PES1: variants seen among roughly 807,000 people sequenced by gnomAD.
PES1 encodes the protein pescadillo homolog.
A neutral mutation model predicts 77.1 loss-of-function variants in PES1; 31 were observed. The ratio of observed to expected loss-of-function variants is 0.40; its 90% confidence interval spans 0.30 to 0.54. The LOEUF is 0.54. Among genes scored for constraint, PES1 ranks in the 20% least tolerant of loss-of-function variants. PES1 has a pLI of 0.45. For missense variants in PES1, 658 were observed against 771.7 expected (o/e 0.85, Z 1.75); for synonymous variants, 282 against 303.0 (o/e 0.93, Z 0.72).
chr22:30,592,548 G>C (rs2087199466), upstream of PES1: 1 of 447,446 alleles, frequency 2.2e-6, no homozygotes. Flanking sequence ...TGTAATCCCA[G>C]CACTTTGGGA....
intron 2 of PES1, chr22:30,601,968 T>C (rs963049301): frequency 3.3e-5 from 5 of 152,026 alleles, no homozygotes; most frequent in African/African-American, 1.2e-4. Flanking sequence ...AGACGGAGTT[T>C]CACCATGTTG....
At chr22:30,603,530 T>C (rs1371897105) in intron 2 of PES1, among the ~76,000 whole-genome samples, 1 of 151,786 alleles carries the variant, frequency 6.6e-6, no homozygotes, top group Non-Finnish European at 1.5e-5. Context: ...CACAGGCACA[T>C]GCCACCATGC....
chr22:30,581,566 G>A lies in PES1; in HGVS notation c.709C>T (p.Arg237Cys), dbSNP rs753455922. The A allele has an allele frequency of 2.4e-5, 39 of 1,613,722 alleles. No individual in the cohort carries two copies. The highest frequency in any genetic ancestry group is 1.3e-4 in the East Asian group (6 of 44,880). Residue 237 changes from arginine (R) to cysteine (C), a missense_variant, in exon 7 of 15, where the codon CGC becomes TGC. Arg to Cys is a radical substitution (Grantham distance 180, BLOSUM62 -3). Transcript: ENST00000354694. ...TGGAGGTTGAGCAACTGGTAAAGGC[G>A]GAAGTTGACAAAGCCCAGCAGCGTG... ...YTTLLGFVNFRLYQLLNLHYP... is the reference protein window; with the variant it reads ...YTTLLGFVNFCLYQLLNLHYP...
In PES1 at chr22:30,576,856, G is replaced by A; in HGVS notation, c.*190C>T. On this transcript the variant is annotated 3_prime_UTR_variant, in exon 15 of 15. Transcript: ENST00000354694. ...AGGCCTCTTCTCTGACCAGGCACCAGCAGGGCAGCTCCATCCAAGGGAAGC... is the reference window on the plus strand; with the variant it reads ...AGGCCTCTTCTCTGACCAGGCACCAACAGGGCAGCTCCATCCAAGGGAAGC... 1.7e-6 allele frequency: 1 copy of A among 598,988 alleles called. No homozygotes were observed. The highest frequency in any genetic ancestry group is 3.0e-6 in the Non-Finnish European group (1 of 335,616). The allele number at this position is 598,988 out of a possible 1,614,324, so 37.1% of individuals were successfully genotyped here.
upstream of PES1, among the ~76,000 whole-genome samples, chr22:30,595,894 G>A (rs2087246151): frequency 6.6e-6 from 1 of 152,162 alleles, no homozygotes; most frequent in South Asian, 2.1e-4. Context: ...AGGGTCACCT[G>A]GGTAAGGGAA....
At chr22:30,595,275 C>G (rs1240705297), upstream of PES1, among the ~76,000 whole-genome samples, 1 of 152,096 alleles carries the variant, frequency 6.6e-6, no homozygotes, top group Non-Finnish European at 1.5e-5. Context: ...CGCGACAGCT[C>G]ATGCCTATAA....
intron 2 of PES1, among the ~76,000 whole-genome samples, chr22:30,602,827 A>G: frequency 6.6e-6 from 1 of 152,234 alleles, no homozygotes; most frequent in Non-Finnish European, 1.5e-5. Flanking sequence ...GCATATAGAC[A>G]TCCAATTGTT....
At chr22:30,591,563 G>T (rs1164478033) in intron 1 of PES1, among the ~76,000 whole-genome samples, 1 of 152,170 alleles carries the variant, frequency 6.6e-6, no homozygotes, top group Non-Finnish European at 1.5e-5. Flanking sequence ...ATGAAGCTAC[G>T]CTTGGTAAGT....
chr22:30,578,354 AACCTGGGGGCTGTT>A (rs2086932266), intron 14 of PES1, among the ~76,000 whole-genome samples: 1 of 152,186 alleles, frequency 6.6e-6, no homozygotes, highest in Admixed American at 6.5e-5. Flanking sequence ...GCACAAGAGA[AACCTGGGGGCTGTT>A]ACTACAGGCT....
chr22:30,598,977 A>C (rs1161959484), intron 2 of PES1, among the ~76,000 whole-genome samples: 2 of 127,326 alleles, frequency 1.6e-5, no homozygotes, highest in Non-Finnish European at 3.1e-5. Flanking sequence ...GCTCACTGCA[A>C]CCTCCGTTTC....
At chr22:30,598,884 A>ATTTTT (rs1569031688) in intron 2 of PES1, among the ~76,000 whole-genome samples, 6 of 46,260 alleles carry the variant, frequency 1.3e-4, no homozygotes, top group African/African-American at 4.5e-4. Context: ...ACTTAAGTAA[A>ATTTTT]ATTTTTTTTT....
chr22:30,588,136 G>A lies in PES1; in HGVS notation c.143C>T (p.Pro48Leu). The A allele has an allele frequency of 9.9e-6, 16 of 1,614,178 alleles. No homozygotes were observed. The highest frequency in any genetic ancestry group is 1.3e-5 in the Non-Finnish European group (15 of 1,180,036). The change falls in exon 3 of 15, where the codon CCC becomes CTC. Residue 48 changes from proline (P) to leucine (L), a missense_variant. Coordinates refer to ENST00000354694, the MANE Select transcript of PES1 (RefSeq NM_014303.4). The stretch of plus-strand genomic sequence containing the variant: ...CTTGTTAACCTTCTTCTTGTGTTTG[G>A]GTTCATGGGGATAAATGCCCTTCAG... ...CILKGIYPHE[P>L]KHKKKVNKGS...
chr22:30,598,040 C>T (rs564987419), intron 2 of PES1, among the ~76,000 whole-genome samples: 92 of 152,168 alleles, frequency 6.0e-4, no homozygotes, highest in Non-Finnish European at 6.9e-4. Flanking sequence ...CCCGCCACTA[C>T]GCCCGGCTAG....
exon 1 of PES1, chr22:30,606,935 G>T (rs577196089): frequency 2.7e-5 from 28 of 1,047,966 alleles, no homozygotes; most frequent in Non-Finnish European, 3.3e-5. Flanking sequence ...TGGAACAGCT[G>T]GGGGGACAGC....
chr22:30,591,578 C>G (rs2087176570), intron 1 of PES1, among the ~76,000 whole-genome samples: 1 of 152,200 alleles, frequency 6.6e-6, no homozygotes, highest in African/African-American at 2.4e-5. Context: ...GTAAGTTCAA[C>G]TCTCTTTCAC....
chr22:30,584,578 G>A lies in PES1; in HGVS notation c.508C>T (p.His170Tyr). 6.2e-7 allele frequency: 1 copy of A among 1,612,644 alleles called. No individual in the cohort carries two copies. The highest frequency in any genetic ancestry group is 8.5e-7 in the Non-Finnish European group (1 of 1,179,394). The change falls in exon 5 of 15, where the codon CAC (histidine) becomes TAC (tyrosine). Residue 170 changes from histidine to tyrosine, a missense_variant. Physicochemically the swap from His to Tyr is moderately conservative, Grantham distance 83. Coordinates refer to ENST00000354694, the MANE Select transcript of PES1 (RefSeq NM_014303.4). ...AGGGCACGGGCAGCGATAATGTAGT[G>A]CATGAACTCCACAGTGAGCCGGCGG... ...LCRRLTVEFM[H>Y]YIIAARALRK...
At chr22:30,604,275 T>A (rs2087402395) in intron 2 of PES1, among the ~76,000 whole-genome samples, 1 of 152,102 alleles carries the variant, frequency 6.6e-6, no homozygotes, top group African/African-American at 2.4e-5. Flanking sequence ...GGGAAAAATA[T>A]AAATAATCAG....
chr22:30,600,211 A>G (rs558141487), intron 2 of PES1, among the ~76,000 whole-genome samples: 8 of 150,380 alleles, frequency 5.3e-5, no homozygotes, highest in East Asian at 2.0e-4. Flanking sequence ...GCACAAGCCT[A>G]TAGTCCCAGC....
intron 6 of PES1, among the ~76,000 whole-genome samples, chr22:30,582,063 C>T (rs2086996379): frequency 6.6e-6 from 1 of 152,356 alleles, no homozygotes; most frequent in Non-Finnish European, 1.5e-5. Context: ...CTGCCTTCTA[C>T]ATCACCTAGT....
Sources: gnomAD v4.1 joint callset for allele counts (sites outside exome capture counted in the v4.1 genomes callset) on GRCh38, gnomAD v4.1.1 for gene constraint, MANE v1.5 for transcripts, NCBI Gene and HGNC (gene_info 2026-07-23, HGNC 2026-07-21) for gene names.